Variants in ARHGEF4 observed in about 807,000 individuals in gnomAD.
The protein encoded by ARHGEF4 is Rho guanine nucleotide exchange factor 4.
A neutral mutation model predicts 162.0 loss-of-function variants in ARHGEF4; 119 were observed. The ratio of observed to expected loss-of-function variants is 0.73; its 90% CI spans 0.63 to 0.86. The LOEUF is 0.86. Among genes scored for constraint, ARHGEF4 ranks in the 40% least tolerant of loss-of-function variants. The pLI, the probability that ARHGEF4 is intolerant of heterozygous loss-of-function variation, is 0.00. For synonymous variants in ARHGEF4, 1,014 were observed against 979.9 expected (o/e 1.03, Z -0.65); for missense variants, 2,488 against 2,456.0 (o/e 1.01, Z -0.28).
chr2:130,986,367 C>T (rs1050936083), intron 4 of ARHGEF4, among the ~76,000 whole-genome samples: 9 of 152,154 alleles, frequency 5.9e-5, no homozygotes, highest in Non-Finnish European at 1.2e-4. Flanking sequence ...TCTGGCTGCC[C>T]TGGCCTGGAG....
Position 130,914,426 on chromosome 2 carries a change from C to T in ARHGEF4, c.480C>T (p.His160=). ...TTGCTGGAGAACAGGAGGCAGGACACCTCTGGGACTGCGCGACCAGCCTGG... is the reference window on the plus strand; with the variant it reads ...TTGCTGGAGAACAGGAGGCAGGACATCTCTGGGACTGCGCGACCAGCCTGG... ...ATVAGEQEAG[H]LWDCATSLER... The change falls in exon 2 of 14, where the codon CAC becomes CAT. Residue 160 remains histidine (H), a synonymous_variant. Coordinates refer to ENST00000409359, the MANE Select transcript of ARHGEF4 (RefSeq NM_001367493.1). The T allele has an allele frequency of 7.0e-7, 1 of 1,438,298 alleles. No homozygotes were observed. Among genetic ancestry groups the T allele is most frequent in the Non-Finnish European group, 9.1e-7 (1 of 1,102,092 alleles). The allele number at this position is 1,438,298 out of a possible 1,614,324, so 89.1% of individuals were successfully genotyped here.
chr2:130,925,252 G>A (rs1559043402), intron 2 of ARHGEF4, among the ~76,000 whole-genome samples: 2 of 152,242 alleles, frequency 1.3e-5, no homozygotes, highest in South Asian at 2.1e-4. Context: ...ATTACATAAA[G>A]TAATCAAGAC....
At chr2:130,876,154 T>C (rs916794215) in intron 1 of ARHGEF4, among the ~76,000 whole-genome samples, 10 of 152,194 alleles carry the variant, frequency 6.6e-5, no homozygotes, top group Non-Finnish European at 1.5e-5. Context: ...TCCCTCCATG[T>C]GTCACCCTGG....
At chr2:130,912,596 G>T (rs1025606689) in intron 1 of ARHGEF4, among the ~76,000 whole-genome samples, 1 of 152,172 alleles carries the variant, frequency 6.6e-6, no homozygotes, top group African/African-American at 2.4e-5. Context: ...CCTGGGAGGG[G>T]CCGGTGGGGT....
intron 1 of ARHGEF4, among the ~76,000 whole-genome samples, chr2:130,873,048 G>A (rs754546168): frequency 1.3e-5 from 2 of 152,228 alleles, no homozygotes; most frequent in African/African-American, 2.4e-5. Flanking sequence ...GTGGGCACTC[G>A]TGCTCTTTTG....
chr2:130,878,981 AC>A (rs1679030833), intron 1 of ARHGEF4, among the ~76,000 whole-genome samples: 1 of 152,240 alleles, frequency 6.6e-6, no homozygotes, highest in Non-Finnish European at 1.5e-5. Context: ...AGGCAAGGCA[AC>A]ATGGGAGAGG....
At chr2:130,864,267 G>A (rs530672860) in intron 1 of ARHGEF4, among the ~76,000 whole-genome samples, 2 of 151,734 alleles carry the variant, frequency 1.3e-5, no homozygotes, top group African/African-American at 4.8e-5. Flanking sequence ...AAATAATTAC[G>A]CCTAGTCACA....
At chr2:130,963,785 C>T (rs1684789988) in intron 4 of ARHGEF4, 1 of 147,044 alleles carries the variant, frequency 6.8e-6, no homozygotes, top group South Asian at 2.1e-4. Flanking sequence ...GGGAGGGCGC[C>T]TGGCCTCGCT....
In ARHGEF4 at chr2:130,876,003, G is replaced by A. The variant is rs545272471; in HGVS notation, c.40-37983G>A. The stretch of plus-strand genomic sequence containing the variant: ...AACTCCCATCACGCCGCTTCACTGC[G>A]TGGCACATGCCTCCAGCCTTTCCCT... On this transcript the variant is annotated intron_variant, in intron 1 of 13. Transcript: ENST00000409359. 2.2e-4 allele frequency among the ~76,000 whole-genome samples: 33 copies of A among 152,238 alleles called. 1 individual carries two copies. In the South Asian group the frequency reaches 4.8e-3, roughly 22 times the overall value.
intron 5 of ARHGEF4, among the ~76,000 whole-genome samples, chr2:131,032,271 T>C (rs1378275866): frequency 4.0e-5 from 6 of 151,522 alleles, no homozygotes; most frequent in African/African-American, 1.2e-4. Context: ...GTCACTGCCC[T>C]TGCTCTCCTG....
intron 1 of ARHGEF4, among the ~76,000 whole-genome samples, chr2:130,869,609 G>C (rs1042640383): frequency 6.6e-6 from 1 of 152,222 alleles, no homozygotes; most frequent in African/African-American, 2.4e-5. Flanking sequence ...TCGAAGGAGT[G>C]TAGAAGCTGC....
chr2:130,846,371 A>G (rs1355641214), intron 1 of ARHGEF4, among the ~76,000 whole-genome samples: 3 of 152,174 alleles, frequency 2.0e-5, no homozygotes, highest in Non-Finnish European at 4.4e-5. Context: ...GGAGCCACCC[A>G]CACCGACTGC....
At chr2:130,996,647 G>C (rs114909919) in intron 4 of ARHGEF4, among the ~76,000 whole-genome samples, 3,920 of 152,148 alleles carry the variant, frequency 0.026, 181 homozygotes, top group African/African-American at 0.089. Context: ...TCAGAATTTT[G>C]GTGGATGCCT....
intron 4 of ARHGEF4, among the ~76,000 whole-genome samples, chr2:130,980,601 A>G (rs551026158): frequency 6.6e-6 from 1 of 152,348 alleles, no homozygotes; most frequent in East Asian, 1.9e-4. Flanking sequence ...TTGAAAACAC[A>G]TCAACACACA....
At chr2:130,935,065 A>G (rs914340352) in intron 3 of ARHGEF4, among the ~76,000 whole-genome samples, 1 of 151,840 alleles carries the variant, frequency 6.6e-6, no homozygotes, top group Admixed American at 6.6e-5. Flanking sequence ...AATGCTTATC[A>G]ATTTTATTAG....
At chr2:130,839,165 C>T (rs542451672) in intron 1 of ARHGEF4, among the ~76,000 whole-genome samples, 4 of 152,168 alleles carry the variant, frequency 2.6e-5, no homozygotes, top group African/African-American at 7.2e-5. Flanking sequence ...TGTGTCTTGC[C>T]GAGCCACCGA....
chr2:131,035,268 C>T, intron 5 of ARHGEF4: 1 of 1,219,970 alleles, frequency 8.2e-7, no homozygotes, highest in Non-Finnish European at 1.0e-6. Flanking sequence ...GCTGAGCGGC[C>T]GCGCAGGGCG....
At position 130,992,820 on chromosome 2, in the gene ARHGEF4, A is replaced by G. The variant is rs947119066; in HGVS notation, c.3986-35125A>G. On this transcript the variant is annotated intron_variant, in intron 4 of 13. Coordinates refer to ENST00000409359, the MANE Select transcript of ARHGEF4 (RefSeq NM_001367493.1). ...AGACATCGGCCAGGTTCAGTACATC[A>G]CACCTGTAATCCCAGCACTTTGGGA... Among the ~76,000 whole-genome samples, 11 of 152,218 alleles carry G rather than the reference A, an allele frequency of 7.2e-5. No homozygotes were observed. The East Asian group carries it at 7.7e-4, about 11-fold the overall frequency.
At chr2:131,034,898 C>A in intron 5 of ARHGEF4, 1 of 854,642 alleles carries the variant, frequency 1.2e-6, no homozygotes, top group Non-Finnish European at 1.4e-6. Context: ...CGCCCCCGCC[C>A]GCACAGCCGG....
Sources: gnomAD v4.1 joint callset for allele counts (sites outside exome capture counted in the v4.1 genomes callset) on GRCh38, gnomAD v4.1.1 for gene constraint, MANE v1.5 for transcripts, NCBI Gene and HGNC (gene_info 2026-07-23, HGNC 2026-07-21) for gene names.